The following CBR4 variants were observed in gnomAD, a reference collection of about 807,000 sequenced individuals.
The protein encoded by CBR4 is carbonyl reductase 4, also known as 3-oxoacyl-[acyl-carrier-protein] reductase.
CBR4 carries 22 observed loss-of-function variants against 21.0 expected under a neutral mutation model. That is an observed-to-expected ratio of 1.05 (90% CI 0.75 to 1.50). The LOEUF (loss-of-function observed/expected upper bound fraction) is 1.50, where lower values mean the gene tolerates loss of function less well. Among genes scored for constraint, CBR4 ranks in the 40% most tolerant of loss-of-function variants. CBR4 has a pLI of 0.00. For synonymous variants in CBR4, 100 were observed against 104.4 expected (o/e 0.96, Z 0.26); for missense variants, 302 against 286.3 (o/e 1.05, Z -0.40).
In CBR4 at chr4:168,928,497, G is replaced by A. The variant is rs138609235; in HGVS notation, n.170-33732C>T. On this transcript the variant is annotated intron_variant and non_coding_transcript_variant, in intron 2 of 3. Transcript: ENST00000509108. Reference sequence around the variant, plus strand: ...CCATAACAATTAGCATAAACTTTGAGTGATGTTTGAGGCTTCAGCATCACT... The same window carrying A: ...CCATAACAATTAGCATAAACTTTGAATGATGTTTGAGGCTTCAGCATCACT... 3.3e-3 allele frequency: 566 copies of A among 170,038 alleles called. 5 individuals are homozygous for A. Among genetic ancestry groups the A allele is most frequent in the South Asian group, 0.026 (131 of 4,956 alleles). 10.5% of individuals were successfully genotyped at this position (170,038 alleles called of 1,614,324 possible).
chr4:168,904,855 A>G (rs1444600534), intron 2 of CBR4, among the ~76,000 whole-genome samples: 2 of 152,128 alleles, frequency 1.3e-5, no homozygotes, highest in African/African-American at 4.8e-5. Context: ...GCCCAGGTGC[A>G]GTGGCTCACA....
chr4:168,968,071 T>G (rs58922306), intron 2 of CBR4, among the ~76,000 whole-genome samples: 8,483 of 120,248 alleles, frequency 0.071, 749 homozygotes, highest in African/African-American at 0.23. Flanking sequence ...CACTAGTGCC[T>G]TTCCTTTGCC....
intron 2 of CBR4, among the ~76,000 whole-genome samples, chr4:168,973,433 T>A (rs927114079): frequency 6.6e-6 from 1 of 152,222 alleles, no homozygotes; most frequent in African/African-American, 2.4e-5. Context: ...ATTCAAGCAA[T>A]TCTCCTGCCT....
chr4:168,939,191 A>G (rs1763193311), intron 2 of CBR4, among the ~76,000 whole-genome samples: 1 of 152,204 alleles, frequency 6.6e-6, no homozygotes, highest in Non-Finnish European at 1.5e-5. Context: ...AATCAATGAC[A>G]AAAACCACAT....
chr4:168,953,644 G>A (rs1479872504), intron 2 of CBR4, among the ~76,000 whole-genome samples: 5 of 150,672 alleles, frequency 3.3e-5, no homozygotes, highest in East Asian at 1.9e-4. Flanking sequence ...GGTTGGTCTC[G>A]AACTCCTGGG....
At chr4:168,967,422 G>T (rs576771464) in intron 2 of CBR4, among the ~76,000 whole-genome samples, 5 of 152,230 alleles carry the variant, frequency 3.3e-5, no homozygotes, top group Non-Finnish European at 1.5e-5. Context: ...GAGTTGATGC[G>T]TCCAGCAAAC....
chr4:168,990,194 C>T lies in CBR4; in HGVS notation c.670G>A (p.Gly224Arg). 1.2e-6 allele frequency: 2 copies of T among 1,612,164 alleles called. No homozygotes were observed. Among genetic ancestry groups the T allele is most frequent in the South Asian group, 1.1e-5 (1 of 90,846 alleles). The change falls in exon 5 of 5, where the codon GGG (glycine) becomes AGG (arginine). Residue 224 changes from glycine to arginine, a missense_variant. Physicochemically the swap from Gly to Arg is moderately radical, Grantham distance 125. Transcript: ENST00000306193. ...CCCCCATCCACTACCAGAACATGCC[C>T]TGTAATATACGGTGATTCTAAAAGA... ...VFLLESPYIT[G>R]HVLVVDGGLQ...
intron 2 of CBR4, among the ~76,000 whole-genome samples, chr4:168,896,091 T>A (rs1008911782): frequency 2.0e-5 from 3 of 151,832 alleles, no homozygotes; most frequent in Non-Finnish European, 4.4e-5. Flanking sequence ...GCGCCTGTAG[T>A]CCCAGCTACG....
chr4:168,925,314 T>C, intron 2 of CBR4: 3 of 1,481,326 alleles, frequency 2.0e-6, no homozygotes, highest in Non-Finnish European at 2.8e-6. Context: ...TAGCAAAATA[T>C]GCATGTTGAT....
intron 2 of CBR4, chr4:168,916,135 GGGCACAGTGGCTCACACCTAT>G: frequency 9.2e-7 from 1 of 1,090,896 alleles, no homozygotes; most frequent in Non-Finnish European, 1.4e-6. Flanking sequence ...AATGAGAGCT[GGGCACAGTGGCTCACACCTAT>G]AATCCCAGCA....
Position 168,988,874 on chromosome 4 carries a change from T to C in CBR4, c.*1276A>G, listed in dbSNP as rs1764786126. 1.0e-6 allele frequency: 1 copy of C among 972,580 alleles called. No homozygotes were observed. Among genetic ancestry groups the C allele is most frequent in the African/African-American group, 1.8e-5 (1 of 57,010 alleles). 60.2% of individuals were successfully genotyped at this position (972,580 alleles called of 1,614,324 possible). ...GTATATCCTATTCATAATTTTGCAC[T>C]GACTTTCAATATAAAATTAAATCTC... On this transcript the variant is annotated 3_prime_UTR_variant, in exon 5 of 5. Transcript: ENST00000306193.
intron 2 of CBR4, among the ~76,000 whole-genome samples, chr4:168,955,859 C>G (rs1317560847): frequency 6.6e-6 from 1 of 152,144 alleles, no homozygotes; most frequent in Non-Finnish European, 1.5e-5. Flanking sequence ...CTCAGTACAA[C>G]TTGACCACAG....
rs982926477 is a variant in CBR4, at chr4:169,005,997, G to A, written c.400+758C>T. 11 of 982,542 alleles carry A rather than the reference G, an allele frequency of 1.1e-5. No individual in the cohort carries two copies. In the Admixed American group the frequency reaches 2.6e-4, roughly 23 times the overall value. The allele number at this position is 982,542 out of a possible 1,614,324, so 60.9% of individuals were successfully genotyped here. A position where few individuals can be genotyped will look rare whatever the true frequency, so the allele number is the denominator to read the frequency against. The stretch of plus-strand genomic sequence containing the variant: ...TTACCAAACTGAAATAAAATTTCAA[G>A]TCATTTTGCATTTTAAGTTCTACAG... On this transcript the variant is annotated intron_variant, in intron 3 of 4. Transcript: ENST00000306193.
At chr4:168,930,536 C>G (rs1387124230) in intron 2 of CBR4, among the ~76,000 whole-genome samples, 1 of 152,164 alleles carries the variant, frequency 6.6e-6, no homozygotes, top group Non-Finnish European at 1.5e-5. Flanking sequence ...GTGATGTCAG[C>G]AAGATGGCTG....
chr4:168,959,012 A>G (rs1053166617), intron 2 of CBR4, among the ~76,000 whole-genome samples: 2 of 152,012 alleles, frequency 1.3e-5, no homozygotes, highest in African/African-American at 2.4e-5. Context: ...TTTCTTAATG[A>G]TATCTTCCAA....
At chr4:168,995,048 A>T (rs1765124272) in intron 4 of CBR4, among the ~76,000 whole-genome samples, 1 of 152,064 alleles carries the variant, frequency 6.6e-6, no homozygotes, top group Admixed American at 6.6e-5. Context: ...GCCACCATGC[A>T]GCCTGGCCTG....
chr4:168,926,479 T>A, intron 2 of CBR4: 1 of 810,534 alleles, frequency 1.2e-6, no homozygotes, highest in Non-Finnish European at 1.8e-6. Flanking sequence ...GAAACATACC[T>A]TTGACTATAA....
intron 2 of CBR4, chr4:168,898,237 A>G: frequency 1.9e-6 from 1 of 516,782 alleles, no homozygotes; most frequent in Non-Finnish European, 3.5e-6. Flanking sequence ...GCCTCAGAGA[A>G]AAGAAGGAAA....
chr4:168,963,914 C>CT (rs948075023), intron 2 of CBR4, among the ~76,000 whole-genome samples: 16 of 150,890 alleles, frequency 1.1e-4, no homozygotes, highest in East Asian at 5.8e-4. Flanking sequence ...GTTCAAAAAC[C>CT]TTTTTTTTTA....
Sources: gnomAD v4.1 joint callset for allele counts (sites outside exome capture counted in the v4.1 genomes callset) on GRCh38, gnomAD v4.1.1 for gene constraint, MANE v1.5 for transcripts, NCBI Gene and HGNC (gene_info 2026-07-23, HGNC 2026-07-21) for gene names.